PARP14: variants seen among roughly 807,000 people sequenced by gnomAD.
PARP14 encodes the protein poly(ADP-ribose) polymerase family member 14.
PARP14 carries 59 observed loss-of-function variants against 154.2 expected under a neutral mutation model. The observed-to-expected ratio is 0.38, with a 90% CI of 0.31 to 0.48. The LOEUF is 0.48. PARP14 is among the 20% of genes least tolerant of loss of function. The pLI is 0.98. For missense variants in PARP14, 1,734 were observed against 2,131.6 expected (o/e 0.81, Z 3.67); for synonymous variants, 720 against 780.5 (o/e 0.92, Z 1.29).
intron 5 of PARP14, 127 bp from the exon 6 acceptor site, chr3:122,699,263 T>C: frequency 1.8e-6 from 1 of 569,000 alleles, no homozygotes; most frequent in South Asian, 3.0e-5. Context: ...TACATTGTTT[T>C]ATTTCTTTCC....
chr3:122,723,281 C>T (rs1933204588), intron 15 of PARP14, among the ~76,000 whole-genome samples: 1 of 152,168 alleles, frequency 6.6e-6, no homozygotes, highest in Non-Finnish European at 1.5e-5. Context: ...AAAAAAATCT[C>T]TTATAACTCC....
intron 1 of PARP14, among the ~76,000 whole-genome samples, chr3:122,684,243 G>C (rs577410306): frequency 6.6e-6 from 1 of 152,288 alleles, no homozygotes; most frequent in African/African-American, 2.4e-5. Flanking sequence ...GACCTGTAGG[G>C]CACTCTCAAA....
At chr3:122,704,041 CA>C in intron 7 of PARP14, 63 bp downstream of exon 7, 1 of 1,061,624 alleles carries the variant, frequency 9.4e-7, no homozygotes, top group Non-Finnish European at 1.5e-6. Context: ...CTTTTAGTAG[CA>C]TATTAATTGG....
At chr3:122,697,824 C>T (rs185116686) in intron 5 of PARP14, among the ~76,000 whole-genome samples, 70 of 152,290 alleles carry the variant, frequency 4.6e-4, no homozygotes, top group Non-Finnish European at 8.1e-4. Flanking sequence ...TTTGTCCTTA[C>T]AGACAAGAAA....
chr3:122,688,497 T>C (rs1938443324), intron 3 of PARP14, among the ~76,000 whole-genome samples: 1 of 152,226 alleles, frequency 6.6e-6, no homozygotes, highest in Non-Finnish European at 1.5e-5. Flanking sequence ...TTACCCGACC[T>C]GGACTCTAAG....
At chr3:122,708,138 A>T in intron 8 of PARP14, 52 bp from the exon 9 acceptor site, 1 of 959,000 alleles carries the variant, frequency 1.0e-6, no homozygotes, top group Non-Finnish European at 1.6e-6. Flanking sequence ...GATGATTCCA[A>T]TTTATTCATT....
At chr3:122,721,577 ACTCCGT>A (rs931463500) in intron 15 of PARP14, 11 of 151,686 alleles carry the variant, frequency 7.3e-5, no homozygotes, top group Admixed American at 6.6e-4. Flanking sequence ...ACAGAGTGAG[ACTCCGT>A]CTCAAAAAAA....
chr3:122,698,485 G>A (rs1203144843), intron 5 of PARP14, among the ~76,000 whole-genome samples: 2 of 152,198 alleles, frequency 1.3e-5, no homozygotes, highest in Non-Finnish European at 2.9e-5. Flanking sequence ...CTGAATCATA[G>A]TCTGTGGGGC....
intron 12 of PARP14, among the ~76,000 whole-genome samples, chr3:122,716,035 C>T (rs140722750): frequency 6.6e-6 from 1 of 152,242 alleles, no homozygotes; most frequent in Admixed American, 6.5e-5. Flanking sequence ...GTCCTCTTTA[C>T]CTATCTTTAT....
chr3:122,695,751 ATTTG>A lies in PARP14; in HGVS notation c.835+93_835+96del, dbSNP rs1158796096. Reference sequence around the variant, plus strand: ...TATAAATTTAGTTCTGATGTGTTTTATTTGTTTATTTATGTATTTCTTTGGGAAT... The same window carrying A: ...TATAAATTTAGTTCTGATGTGTTTTATTTATTTATGTATTTCTTTGGGAAT... On this transcript the variant is annotated intron_variant, in intron 5 of 16. Coordinates refer to ENST00000474629, the MANE Select transcript of PARP14 (RefSeq NM_017554.3). The A allele has an allele frequency of 2.6e-5, 17 of 647,160 alleles. No homozygotes were observed. In the East Asian group the frequency reaches 2.7e-4, roughly 10 times the overall value. 40.1% of individuals were successfully genotyped at this position (647,160 alleles called of 1,614,324 possible).
At chr3:122,685,797 C>T (rs2107635913) in intron 2 of PARP14, among the ~76,000 whole-genome samples, 2 of 151,896 alleles carry the variant, frequency 1.3e-5, no homozygotes, top group South Asian at 2.1e-4. Context: ...CATGAGCCAC[C>T]GCACCCTGCT....
intron 9 of PARP14, among the ~76,000 whole-genome samples, chr3:122,709,340 T>G: frequency 6.6e-6 from 1 of 152,234 alleles, no homozygotes; most frequent in South Asian, 2.1e-4. Flanking sequence ...TCACTTAGAA[T>G]AATAGCCTCC....
intron 14 of PARP14, among the ~76,000 whole-genome samples, chr3:122,720,005 A>T (rs187488860): frequency 6.6e-6 from 1 of 152,360 alleles, no homozygotes; most frequent in East Asian, 1.9e-4. Context: ...GGAGGCAGAC[A>T]TACAGGCTCT....
Position 122,687,066 on chromosome 3 carries a change from T to C in PARP14, c.322-14T>C. The C allele has an allele frequency of 6.4e-7, 1 of 1,568,198 alleles. No homozygotes were observed. Among genetic ancestry groups the C allele is most frequent in the Non-Finnish European group, 8.7e-7 (1 of 1,147,230 alleles). ...TAATCATGTATTAATGCTACTTTAT[T>C]GTTTGTGTTTCAGGAATCCAAGACC... On this transcript the variant is annotated splice_polypyrimidine_tract_variant and intron_variant, in intron 2 of 16. Coordinates refer to ENST00000474629, the MANE Select transcript of PARP14 (RefSeq NM_017554.3).
rs1938942099 is a variant in PARP14 at position 122,700,855 on chromosome 3, G to T, written c.2301G>T (p.Arg767=). ...KARFYQSEIK[R]LFGCYIELQE... ...GGTTTTATCAAAGTGAGATCAAACG[G>T]TTGTTTGGTTGTTACATTGAACTAC... The change falls in exon 6 of 17, where the codon CGG becomes CGT. Residue 767 remains arginine, a synonymous_variant. Coordinates refer to ENST00000474629, the MANE Select transcript of PARP14 (RefSeq NM_017554.3). 2.5e-6 allele frequency: 4 copies of T among 1,613,894 alleles called. No individual in the cohort carries two copies. The highest frequency in any genetic ancestry group is 3.3e-4 in the Middle Eastern group (2 of 6,084).
chr3:122,720,811 A>G (rs200768223), intron 15 of PARP14: 10 of 456,942 alleles, frequency 2.2e-5, no homozygotes, highest in East Asian at 6.9e-5. Context: ...CTCGTTTATC[A>G]TAATTATTTT....
chr3:122,701,206 C>G lies in PARP14; in HGVS notation c.2652C>G (p.Arg884=). Residue 884 remains arginine, a synonymous_variant, in exon 6 of 17, where the codon CGC becomes CGG. Transcript: ENST00000474629. This position sits in a 1 kb window ranked among gnomAD's most constrained non-coding sequence, Gnocchi z 4.0. ...ACGTGATCCATGCAGTGGGGCCCCG[C>G]TGGAGCGGATATGAGGCCCCGAGGT... The part of the protein sequence containing the change: ...YHHVIHAVGP[R]WSGYEAPRCV... The G allele has an allele frequency of 6.2e-7, 1 of 1,613,600 alleles. No individual in the cohort carries two copies. The highest frequency in any genetic ancestry group is 8.5e-7 in the Non-Finnish European group (1 of 1,179,694).
chr3:122,721,448 A>T (rs919305198), intron 15 of PARP14: 1 of 152,908 alleles, frequency 6.5e-6, no homozygotes, highest in African/African-American at 2.4e-5. Flanking sequence ...TTAGCCGGGC[A>T]TGTTGGCAGG....
rs769790668 is a variant in PARP14 at position 122,718,249 on chromosome 3, C to A, written c.4179C>A (p.Ser1393=). 1 of 1,613,430 alleles carries A rather than the reference C, an allele frequency of 6.2e-7. No individual in the cohort carries two copies. The highest frequency in any genetic ancestry group is 2.2e-5 in the East Asian group (1 of 44,868). Residue 1393 remains serine, a synonymous_variant, in exon 13 of 17, where the codon TCC becomes TCA. Coordinates refer to ENST00000474629, the MANE Select transcript of PARP14 (RefSeq NM_017554.3). ...MKKREGTQLS[S]QQSVMSKLAS... ...AAAGAGAAGGGACTCAGCTTTCTTC[C>A]CAACAGTCTGTGATGTCTAAACTTG...
Sources: gnomAD v4.1 joint callset for allele counts (sites outside exome capture counted in the v4.1 genomes callset) on GRCh38, gnomAD v4.1.1 for gene constraint, Gnocchi (gnomAD v3.1) non-coding constraint, MANE v1.5 for transcripts, NCBI Gene and HGNC (gene_info 2026-07-23, HGNC 2026-07-21) for gene names.